The following CPQ variants were observed in gnomAD, a reference collection of about 807,000 sequenced individuals.
CPQ encodes the protein carboxypeptidase Q.
CPQ carries 37 observed loss-of-function variants against 45.7 expected under a neutral mutation model. The ratio of observed to expected loss-of-function variants is 0.81; its 90% CI spans 0.62 to 1.07. The LOEUF (loss-of-function observed/expected upper bound fraction) is 1.07, where lower values mean the gene tolerates loss of function less well. CPQ is among the 50% of genes least tolerant of loss of function. The pLI is 0.00. For missense variants in CPQ, 537 were observed against 572.9 expected, an observed-to-expected ratio of 0.94 and a Z score of 0.64; for synonymous variants, 186 against 205.8, an observed-to-expected ratio of 0.90 and a Z score of 0.82.
At chr8:96,737,663 T>C (rs1263505226) in intron 1 of CPQ, among the ~76,000 whole-genome samples, 1 of 152,116 alleles carries the variant, frequency 6.6e-6, no homozygotes, top group South Asian at 2.1e-4. Flanking sequence ...TTAATCACTT[T>C]TGGCAACACC....
chr8:96,837,034 T>C (rs1487072844), intron 3 of CPQ, among the ~76,000 whole-genome samples: 1 of 152,188 alleles, frequency 6.6e-6, no homozygotes, highest in African/African-American at 2.4e-5. Context: ...CACTTTAGAA[T>C]CTTTCCCATG....
At chr8:96,687,587 T>C (rs113288684) in intron 1 of CPQ, among the ~76,000 whole-genome samples, 3,684 of 152,234 alleles carry the variant, frequency 0.024, 164 homozygotes, top group African/African-American at 0.084. Flanking sequence ...TTTTTCATTT[T>C]ATTCTAACTT....
intron 7 of CPQ, among the ~76,000 whole-genome samples, chr8:97,088,706 A>T (rs540157730): frequency 6.6e-6 from 1 of 152,196 alleles, no homozygotes; most frequent in African/African-American, 2.4e-5. Context: ...TTTCTAGGAG[A>T]TTTTTGCATT....
chr8:97,058,485 T>C (rs1810491842), intron 6 of CPQ, among the ~76,000 whole-genome samples: 1 of 152,062 alleles, frequency 6.6e-6, no homozygotes, highest in Non-Finnish European at 1.5e-5. Context: ...TGTCACAGTG[T>C]TAAGGGAAAA....
intron 5 of CPQ, among the ~76,000 whole-genome samples, chr8:97,008,934 C>T (rs548239685): frequency 8.5e-5 from 13 of 152,342 alleles, no homozygotes; most frequent in Admixed American, 3.3e-4. Context: ...GTCAGCATGA[C>T]ACCATGGTAG....
chr8:97,054,713 A>G (rs1295188977), intron 6 of CPQ, among the ~76,000 whole-genome samples: 1 of 152,200 alleles, frequency 6.6e-6, no homozygotes, highest in Non-Finnish European at 1.5e-5. Context: ...AGTTGGAGCT[A>G]AGCCATGGGT....
chr8:96,789,381 C>T (rs1810817651), intron 2 of CPQ, among the ~76,000 whole-genome samples: 2 of 152,156 alleles, frequency 1.3e-5, no homozygotes, highest in African/African-American at 2.4e-5. Context: ...GTCTATTTCT[C>T]CTACACTGTT....
At chr8:96,894,912 A>G (rs927241040) in intron 4 of CPQ, among the ~76,000 whole-genome samples, 1 of 152,240 alleles carries the variant, frequency 6.6e-6, no homozygotes, top group African/African-American at 2.4e-5. Context: ...GGTAGAAATT[A>G]ACATTTTATA....
chr8:96,868,718 C>G (rs1812025741), intron 3 of CPQ, among the ~76,000 whole-genome samples: 1 of 151,904 alleles, frequency 6.6e-6, no homozygotes. Flanking sequence ...CATATTTCCT[C>G]TATTCCCTGT....
chr8:96,862,493 T>C (rs1194648277), intron 3 of CPQ, among the ~76,000 whole-genome samples: 1 of 151,992 alleles, frequency 6.6e-6, no homozygotes, highest in Non-Finnish European at 1.5e-5. Context: ...AAATTTTGGG[T>C]GATCTTAAGG....
chr8:97,121,745 A>G (rs182365830), intron 7 of CPQ, among the ~76,000 whole-genome samples: 14 of 152,240 alleles, frequency 9.2e-5, no homozygotes, highest in Admixed American at 8.5e-4. Flanking sequence ...ATAAGCAACT[A>G]TTATACATAT....
intron 1 of CPQ, among the ~76,000 whole-genome samples, chr8:96,767,312 T>C (rs1040647650): frequency 6.6e-6 from 1 of 152,148 alleles, no homozygotes; most frequent in African/African-American, 2.4e-5. Flanking sequence ...TAGAGTGACC[T>C]GAAGATGGGC....
intron 7 of CPQ, among the ~76,000 whole-genome samples, chr8:97,079,089 C>A (rs1463197675): frequency 1.3e-5 from 2 of 152,150 alleles, no homozygotes; most frequent in East Asian, 3.9e-4. Context: ...TAGGCAGGAG[C>A]CACTGCACCT....
intron 7 of CPQ, among the ~76,000 whole-genome samples, chr8:97,136,280 G>T (rs952356543): frequency 3.3e-5 from 5 of 152,150 alleles, no homozygotes; most frequent in Admixed American, 2.6e-4. Context: ...TCACAGACCA[G>T]GTGTTCCGTC....
intron 3 of CPQ, among the ~76,000 whole-genome samples, chr8:96,864,872 T>C (rs1324857205): frequency 6.6e-6 from 1 of 151,880 alleles, no homozygotes; most frequent in Admixed American, 6.6e-5. Flanking sequence ...AGAAAACATT[T>C]ATTGTAGGTA....
chr8:96,707,194 GT>G (rs1215809320), intron 1 of CPQ, among the ~76,000 whole-genome samples: 1 of 152,108 alleles, frequency 6.6e-6, no homozygotes. Flanking sequence ...CTGTTGCTTA[GT>G]AGGAATTTCT....
intron 3 of CPQ, among the ~76,000 whole-genome samples, chr8:96,855,301 A>G (rs1305199646): frequency 6.6e-6 from 1 of 152,170 alleles, no homozygotes; most frequent in African/African-American, 2.4e-5. Flanking sequence ...CCTTCCAGTT[A>G]GTCACAGAAA....
chr8:96,904,693 G>A (rs1812553348), intron 4 of CPQ, among the ~76,000 whole-genome samples: 1 of 152,166 alleles, frequency 6.6e-6, no homozygotes, highest in Non-Finnish European at 1.5e-5. Flanking sequence ...GGAGATTGGG[G>A]AGAGGAGCAA....
Position 96,785,121 on chromosome 8 carries a change from G to T in CPQ, c.224G>T (p.Gly75Val). ...TTGGCACTTCTGGTTGATACTGTTG[G>T]ACCCAGACTGAGTGGCTCCAAGAAC... ...ERLALLVDTVGPRLSGSKNLE... is the reference protein window; with the variant it reads ...ERLALLVDTVVPRLSGSKNLE... The change falls in exon 2 of 8, where the codon GGA (glycine) becomes GTA (valine). Residue 75 changes from glycine (G) to valine (V), a missense_variant. Transcript: ENST00000220763. 6.2e-7 allele frequency: 1 copy of T among 1,613,618 alleles called. No homozygotes were observed. Among genetic ancestry groups the T allele is most frequent in the Non-Finnish European group, 8.5e-7 (1 of 1,179,800 alleles).
Sources: gnomAD v4.1 joint callset for allele counts (sites outside exome capture counted in the v4.1 genomes callset) on GRCh38, gnomAD v4.1.1 for gene constraint, MANE v1.5 for transcripts, NCBI Gene and HGNC (gene_info 2026-07-23, HGNC 2026-07-21) for gene names.